The following COL27A1 variants were observed in gnomAD, a reference collection of about 807,000 sequenced individuals.
The protein encoded by COL27A1 is collagen type XXVII alpha 1 chain.
Under a neutral mutation model 251.3 loss-of-function variants are expected in COL27A1, and 106 were observed. The observed-to-expected ratio is 0.42, with a 90% CI of 0.36 to 0.50. The LOEUF is 0.50. Ranked by LOEUF, COL27A1 falls within the 20% of genes least tolerant of loss-of-function variation. The probability of loss-of-function intolerance (pLI) is 0.00; values close to 1 mark genes in which losing one functional copy is unlikely to be tolerated. For missense variants in COL27A1, 2,325 were observed against 2,522.8 expected (o/e 0.92, Z 1.68); for synonymous variants, 1,000 against 986.3 (o/e 1.01, Z -0.26).
At chr9:114,297,811 A>G (rs1188411004) in intron 49 of COL27A1, among the ~76,000 whole-genome samples, 2 of 152,250 alleles carry the variant, frequency 1.3e-5, no homozygotes, top group Non-Finnish European at 2.9e-5. Context: ...ATTATACTGA[A>G]CAAAATTAGT....
chr9:114,174,615 C>T (rs766039065), intron 3 of COL27A1, among the ~76,000 whole-genome samples: 4 of 152,102 alleles, frequency 2.6e-5, no homozygotes, highest in Non-Finnish European at 5.9e-5. Context: ...TCCCAGGGCA[C>T]GGCACAGATC....
rs773799299 is a variant in COL27A1, at chr9:114,307,767, A to G, written c.5206A>G (p.Thr1736Ala). Residue 1736 changes from threonine to alanine, a missense_variant, in exon 59 of 61, where the codon ACG (threonine) becomes GCG (alanine). By Grantham distance (58) the Thr-to-Ala change is moderately conservative. Around this residue, in one of 4 missense-constraint regions of COL27A1, gnomAD observed 327 missense variants for 442.8 expected, o/e 0.74. Coordinates refer to ENST00000356083, the MANE Select transcript of COL27A1 (RefSeq NM_032888.4). ...HGGQTCLKPI[T>A]ASKVEFAISR... Reference sequence around the variant, plus strand: ...TGGACAGACGTGTCTCAAGCCCATCACGGCCTCCAAGGTACCCATCAGCTC... The same window carrying G: ...TGGACAGACGTGTCTCAAGCCCATCGCGGCCTCCAAGGTACCCATCAGCTC... 18 of 1,613,164 alleles carry G rather than the reference A, an allele frequency of 1.1e-5. No homozygotes were observed. The highest frequency in any genetic ancestry group is 1.4e-5 in the Non-Finnish European group (17 of 1,179,384).
At chr9:114,195,496 C>T (rs958323059) in intron 6 of COL27A1, among the ~76,000 whole-genome samples, 1 of 152,174 alleles carries the variant, frequency 6.6e-6, no homozygotes, top group Non-Finnish European at 1.5e-5. Flanking sequence ...CACCCAGGAG[C>T]CCAGGCTTCC....
chr9:114,282,342 C>T lies in COL27A1; in HGVS notation c.3771+12C>T. 6.2e-7 allele frequency: 1 copy of T among 1,614,008 alleles called. No individual in the cohort carries two copies. The highest frequency in any genetic ancestry group is 8.5e-7 in the Non-Finnish European group (1 of 1,179,986). ...GCACTGGAGCCAAGGTAGGTGTCCC[C>T]TTCTGACTTGATAGGCCTGCGTCCC... On this transcript the variant is annotated intron_variant, in intron 38 of 60. Transcript: ENST00000356083.
At chr9:114,184,870 C>CCATG (rs1172654804) in intron 5 of COL27A1, among the ~76,000 whole-genome samples, 1 of 152,188 alleles carries the variant, frequency 6.6e-6, no homozygotes, top group Non-Finnish European at 1.5e-5. Context: ...TTTGCAGAGG[C>CCATG]CATGGCACAT....
intron 39 of COL27A1, among the ~76,000 whole-genome samples, chr9:114,283,173 A>G (rs965460666): frequency 3.3e-5 from 5 of 152,180 alleles, no homozygotes; most frequent in Non-Finnish European, 7.3e-5. Flanking sequence ...TGCGGTGTAA[A>G]TGCTCCCTCC....
chr9:114,269,123 A>G (rs1442772120), intron 34 of COL27A1, 118 bp from the exon 35 acceptor site: 4 of 566,678 alleles, frequency 7.1e-6, no homozygotes, highest in Non-Finnish European at 1.2e-5. Flanking sequence ...GGGAAGAAGG[A>G]CCTTCCCCAG....
At chr9:114,300,494 T>G (rs921493052) in intron 50 of COL27A1, 131 bp from the exon 51 acceptor site, 1 of 641,276 alleles carries the variant, frequency 1.6e-6, no homozygotes, top group Non-Finnish European at 2.6e-6. Flanking sequence ...TTACTCCTTC[T>G]GGGGCCTCTC....
rs1276255460 is a variant in COL27A1, at chr9:114,284,724, G to A, written c.3934G>A (p.Gly1312Arg). ...TTCCCTCCTTCTTGTTTGCCTGCAG[G>A]GACACAAAGGCATTGTGGGACCCCT... ...QGEPGLAGYDGHKGIVGPLGP... is the reference protein window; with the variant it reads ...QGEPGLAGYDRHKGIVGPLGP... Residue 1312 changes from glycine (G) to arginine (R), a missense_variant and splice_region_variant, in exon 41 of 61, where the codon GGA becomes AGA. By Grantham distance (125) the Gly-to-Arg change is moderately radical. Coordinates refer to ENST00000356083, the MANE Select transcript of COL27A1 (RefSeq NM_032888.4). The A allele has an allele frequency of 4.3e-6, 7 of 1,614,052 alleles. No homozygotes were observed. Among genetic ancestry groups the A allele is most frequent in the Non-Finnish European group, 5.9e-6 (7 of 1,180,020 alleles).
At chr9:114,197,738 A>G (rs1374729708) in intron 7 of COL27A1, among the ~76,000 whole-genome samples, 2 of 152,262 alleles carry the variant, frequency 1.3e-5, no homozygotes, top group Non-Finnish European at 2.9e-5. Flanking sequence ...CTCCAAGTTA[A>G]GGAAAAGCCA....
chr9:114,304,596 T>C lies in COL27A1; in HGVS notation c.4873-12T>C. 6.2e-7 allele frequency: 1 copy of C among 1,614,078 alleles called. No individual in the cohort carries two copies. The highest frequency in any genetic ancestry group is 1.1e-5 in the South Asian group (1 of 91,072). Reference sequence around the variant, plus strand: ...GGGGCCACGATACATACCCTGTCTTTTCCTTGCCCAGCAACAAGATGATCT... The same window carrying C: ...GGGGCCACGATACATACCCTGTCTTCTCCTTGCCCAGCAACAAGATGATCT... On this transcript the variant is annotated splice_polypyrimidine_tract_variant and intron_variant, in intron 56 of 60. Transcript: ENST00000356083.
chr9:114,239,305 G>A (rs1832601166), intron 19 of COL27A1, among the ~76,000 whole-genome samples: 1 of 152,252 alleles, frequency 6.6e-6, no homozygotes, highest in Non-Finnish European at 1.5e-5. Context: ...TTTTCCCAGA[G>A]TACAGGACCC....
intron 27 of COL27A1, among the ~76,000 whole-genome samples, chr9:114,256,752 G>A (rs1833948197): frequency 6.6e-6 from 1 of 152,214 alleles, no homozygotes; most frequent in South Asian, 2.1e-4. Context: ...CCAGTGAGTT[G>A]AAGTAACGTG....
At chr9:114,211,614 G>C (rs1355049492) in intron 12 of COL27A1, among the ~76,000 whole-genome samples, 12 of 152,210 alleles carry the variant, frequency 7.9e-5, no homozygotes, top group African/African-American at 2.9e-4. Context: ...AGAACATGGA[G>C]AAAGAGCCAA....
Position 114,290,244 on chromosome 9 carries a change from GC to G in COL27A1, c.4285del (p.Arg1429GlyfsTer138). ...CCCAGGGCCTGCAGGGGCTGCCAGGGCCCCGGGGCGTGGTGGGGAGACAGGG... is the reference window on the plus strand; with the variant it reads ...CCCAGGGCCTGCAGGGGCTGCCAGGGCCCGGGGCGTGGTGGGGAGACAGGG... ...GVQGLQGLPG[P>X]RGVVGRQGLE... On this transcript the variant is annotated frameshift_variant, in exon 47 of 61. Coordinates refer to ENST00000356083, the MANE Select transcript of COL27A1 (RefSeq NM_032888.4). LOFTEE classifies it high-confidence loss of function. The surrounding 1 kb of genome is among the most constrained non-coding windows in gnomAD (Gnocchi z 4.6). 1 of 1,572,054 alleles carries G rather than the reference GC, an allele frequency of 6.4e-7. No homozygotes were observed. The highest frequency in any genetic ancestry group is 1.3e-5 in the African/African-American group (1 of 74,578).
intron 37 of COL27A1, among the ~76,000 whole-genome samples, chr9:114,282,047 A>G (rs1327352789): frequency 6.6e-6 from 1 of 152,198 alleles, no homozygotes; most frequent in Non-Finnish European, 1.5e-5. Flanking sequence ...ACGTTCTTAC[A>G]TCGCCAGGTC....
chr9:114,304,773 G>GA, intron 57 of COL27A1, 100 bp downstream of exon 57: 7 of 969,260 alleles, frequency 7.2e-6, no homozygotes, highest in Non-Finnish European at 1.1e-5. Flanking sequence ...GGCCTGCATG[G>GA]AGCATTTCAG....
chr9:114,273,860 C>G (rs1321516955), intron 36 of COL27A1: 2 of 152,426 alleles, frequency 1.3e-5, no homozygotes, highest in African/African-American at 4.8e-5. Flanking sequence ...GGAACCCCAC[C>G]TGCCCCCAAT....
Position 114,195,505 on chromosome 9 carries a change from C to A in COL27A1, c.2071-454C>A, listed in dbSNP as rs533445474. ...GATCGGCACCCAGGAGCCCAGGCTTCCCTCCTGCTCCTGTGTGGCCTGTTC... is the reference window on the plus strand; with the variant it reads ...GATCGGCACCCAGGAGCCCAGGCTTACCTCCTGCTCCTGTGTGGCCTGTTC... On this transcript the variant is annotated intron_variant, in intron 6 of 60. Coordinates refer to ENST00000356083, the MANE Select transcript of COL27A1 (RefSeq NM_032888.4). Among the ~76,000 whole-genome samples, 290 of 152,290 alleles carry A rather than the reference C, an allele frequency of 1.9e-3. 3 individuals carry two copies. The highest frequency in any genetic ancestry group is 6.7e-3 in the African/African-American group (278 of 41,562).
Sources: gnomAD v4.1 joint callset for allele counts (sites outside exome capture counted in the v4.1 genomes callset) on GRCh38, gnomAD v4.1.1 for gene constraint, gnomAD v4.1.1 regional missense constraint, Gnocchi (gnomAD v3.1) non-coding constraint, MANE v1.5 for transcripts, NCBI Gene and HGNC (gene_info 2026-07-23, HGNC 2026-07-21) for gene names.